The following MYO9B variants were observed in gnomAD, a reference collection of about 807,000 sequenced individuals.
MYO9B encodes unconventional myosin-IXb.
Under a neutral mutation model 229.5 loss-of-function variants are expected in MYO9B, and 71 were observed. The observed-to-expected ratio is 0.31, with a 90% CI of 0.26 to 0.38. The LOEUF (loss-of-function observed/expected upper bound fraction) is 0.38, where lower values mean the gene tolerates loss of function less well. MYO9B is among the 10% of genes least tolerant of loss of function. MYO9B has a pLI of 1.00. For synonymous variants in MYO9B, 1,185 were observed against 1,235.8 expected (o/e 0.96, Z 0.86); for missense variants, 2,255 against 2,920.5 (o/e 0.77, Z 5.25).
rs749341273 is a variant in MYO9B, at chr19:17,195,341, G to A, written c.3914G>A (p.Arg1305Gln). Reference protein sequence around the residue: ...TQIQRYLDAERLASAVELWRG... With the variant: ...TQIQRYLDAEQLASAVELWRG... Reference sequence around the variant, plus strand: ...ATCCAGCGGTACCTGGACGCCGAGCGGCTGGCCAGCGCCGTGGAACTGTGG... The same window carrying A: ...ATCCAGCGGTACCTGGACGCCGAGCAGCTGGCCAGCGCCGTGGAACTGTGG... Residue 1305 changes from arginine to glutamine, a missense_variant, in exon 22 of 40, where the codon CGG (arginine) becomes CAG (glutamine). Coordinates refer to ENST00000682292, the MANE Select transcript of MYO9B (RefSeq NM_004145.4). The surrounding 1 kb of genome is among the most constrained non-coding windows in gnomAD (Gnocchi z 4.5). 1.9e-5 allele frequency: 30 copies of A among 1,612,298 alleles called. No homozygotes were observed. The highest frequency in any genetic ancestry group is 1.6e-4 in the Middle Eastern group (1 of 6,082).
intron 21 of MYO9B, 135 bp from the exon 22 acceptor site, chr19:17,194,421 A>G (rs2073018388): frequency 3.1e-6 from 3 of 952,960 alleles, no homozygotes; most frequent in Non-Finnish European, 3.1e-6. Flanking sequence ...TGCTTTCCAG[A>G]AGCATCTCTC....
At chr19:17,078,686 G>A (rs1225474429) in intron 1 of MYO9B, among the ~76,000 whole-genome samples, 1 of 152,218 alleles carries the variant, frequency 6.6e-6, no homozygotes. Context: ...TTCCTCGGAA[G>A]TAGTGGCTGG....
chr19:17,194,971 G>T lies in MYO9B; in HGVS notation c.3544G>T (p.Val1182Phe), dbSNP rs1438021270. 21 of 1,613,350 alleles carry T rather than the reference G, an allele frequency of 1.3e-5. No homozygotes were observed. The highest frequency in any genetic ancestry group is 2.2e-5 in the East Asian group (1 of 44,878). Residue 1182 changes from valine (V) to phenylalanine (F), a missense_variant, in exon 22 of 40, where the codon GTC becomes TTC. This residue lies in a region of MYO9B where 679 missense variants were observed against 770.2 expected (regional missense o/e 0.88). Transcript: ENST00000682292. Reference sequence around the variant, plus strand: ...TGCCCTCAGAGAACCTTCCAGAAGGGTCACCCAGGAGCAAGGGGTGAGTCT... The same window carrying T: ...TGCCCTCAGAGAACCTTCCAGAAGGTTCACCCAGGAGCAAGGGGTGAGTCT... ...ESALREPSRRVTQEQGVSLLE... is the reference protein window; with the variant it reads ...ESALREPSRRFTQEQGVSLLE...
chr19:17,176,708 C>T (rs146920748), intron 14 of MYO9B, among the ~76,000 whole-genome samples: 3 of 152,118 alleles, frequency 2.0e-5, no homozygotes, highest in Non-Finnish European at 2.9e-5. Flanking sequence ...TGCGGAGAGA[C>T]GGGCTTGATT....
intron 2 of MYO9B, among the ~76,000 whole-genome samples, chr19:17,114,021 G>A (rs2057875108): frequency 6.6e-6 from 1 of 152,088 alleles, no homozygotes; most frequent in Admixed American, 6.6e-5. Context: ...TGCATCATGG[G>A]GGACTGAGCA....
chr19:17,206,276 C>T lies in MYO9B; in HGVS notation c.5286C>T (p.Phe1762=), dbSNP rs1267773453. The change falls in exon 33 of 40, where the codon TTC becomes TTT. Residue 1762 remains phenylalanine (F), a synonymous_variant. Transcript: ENST00000682292. ...TDPAAVKLEN[F]PIHAITGVLK... The stretch of plus-strand genomic sequence containing the variant: ...CCGCAGCAGTCAAGCTGGAGAACTT[C>T]CCCATCCACGCCATCACAGGGGTGC... 4 of 1,470,852 alleles carry T rather than the reference C, an allele frequency of 2.7e-6. No individual in the cohort carries two copies. Among genetic ancestry groups the T allele is most frequent in the Non-Finnish European group, 3.6e-6 (4 of 1,096,606 alleles). 91.1% of individuals were successfully genotyped at this position (1,470,852 alleles called of 1,614,324 possible). A position where few individuals can be genotyped will look rare whatever the true frequency, so the allele number is the denominator to read the frequency against.
intron 14 of MYO9B, among the ~76,000 whole-genome samples, chr19:17,180,202 C>T (rs955991023): frequency 2.0e-5 from 3 of 148,664 alleles, no homozygotes; most frequent in African/African-American, 7.5e-5. Flanking sequence ...CATTGTACTC[C>T]AGCCTGGGCG....
Position 17,101,733 on chromosome 19 carries a change from G to A in MYO9B, c.16G>A (p.Ala6Thr), listed in dbSNP as rs775944015. The part of the protein sequence containing the change: MSVKE[A>T]GSSGRREQAA... Reference sequence around the variant, plus strand: ...GGCCGGCAGGATGAGTGTGAAAGAGGCAGGCAGCTCGGGCCGCCGGGAGCA... The same window carrying A: ...GGCCGGCAGGATGAGTGTGAAAGAGACAGGCAGCTCGGGCCGCCGGGAGCA... Residue 6 changes from alanine to threonine, a missense_variant, in exon 2 of 40, where the codon GCA (alanine) becomes ACA (threonine). Coordinates refer to ENST00000682292, the MANE Select transcript of MYO9B (RefSeq NM_004145.4). This position sits in a 1 kb window ranked among gnomAD's most constrained non-coding sequence, Gnocchi z 4.7. 4 of 1,581,960 alleles carry A rather than the reference G, an allele frequency of 2.5e-6. No homozygotes were observed. The highest frequency in any genetic ancestry group is 1.3e-5 in the African/African-American group (1 of 74,266).
At chr19:17,130,884 A>G (rs1266530061) in intron 2 of MYO9B, among the ~76,000 whole-genome samples, 2 of 152,164 alleles carry the variant, frequency 1.3e-5, no homozygotes, top group Non-Finnish European at 1.5e-5. Context: ...ACCTTGTCCC[A>G]GTCCCATCTG....
At chr19:17,149,157 C>G (rs561862111) in intron 3 of MYO9B, among the ~76,000 whole-genome samples, 1 of 151,522 alleles carries the variant, frequency 6.6e-6, no homozygotes, top group Non-Finnish European at 1.5e-5. Flanking sequence ...TATTTTTATT[C>G]TGTAGAGACG....
At position 17,154,341 on chromosome 19, in the gene MYO9B, G is replaced by C. The variant is rs963290645; in HGVS notation, c.1125G>C (p.Glu375Asp). 2 of 1,612,842 alleles carry C rather than the reference G, an allele frequency of 1.2e-6. No individual in the cohort carries two copies. Among genetic ancestry groups the C allele is most frequent in the Non-Finnish European group, 1.7e-6 (2 of 1,179,148 alleles). The change falls in exon 6 of 40, where the codon GAG becomes GAC. Residue 375 changes from glutamate (E) to aspartate (D), a missense_variant. Physicochemically the swap from Glu to Asp is conservative, Grantham distance 45. Transcript: ENST00000682292. The part of the protein sequence containing the change: ...NQHNLKIEDG[E>D]DLKHDFERLK... The stretch of plus-strand genomic sequence containing the variant: ...ATAACTTGAAGATTGAAGATGGGGA[G>C]GACCTGAAGCATGACTTTGAGAGGC...
chr19:17,175,788 C>A, intron 14 of MYO9B, 47 bp downstream of exon 14: 1 of 1,367,674 alleles, frequency 7.3e-7, no homozygotes, highest in Non-Finnish European at 1.0e-6. Context: ...TAGGTGGCAG[C>A]AGCATTGTTT....
At chr19:17,175,894 G>A (rs957580829) in intron 14 of MYO9B, among the ~76,000 whole-genome samples, 153 bp downstream of exon 14, 7 of 149,072 alleles carry the variant, frequency 4.7e-5, no homozygotes, top group African/African-American at 9.9e-5. Flanking sequence ...GTGCAATGGC[G>A]CAATCTCGGC....
intron 14 of MYO9B, among the ~76,000 whole-genome samples, chr19:17,176,207 AT>A (rs1359110443): frequency 1.3e-5 from 2 of 149,772 alleles, no homozygotes; most frequent in African/African-American, 2.5e-5. Flanking sequence ...TTTCTTTTGT[AT>A]TTTTTTTTAA....
intron 18 of MYO9B, among the ~76,000 whole-genome samples, chr19:17,186,829 C>T (rs909229397): frequency 1.3e-5 from 2 of 152,134 alleles, no homozygotes; most frequent in African/African-American, 4.8e-5. Context: ...CTCCCAGGTT[C>T]AAGCCATCCT....
intron 1 of MYO9B, among the ~76,000 whole-genome samples, chr19:17,079,573 C>G (rs991114506): frequency 2.6e-5 from 4 of 152,190 alleles, no homozygotes; most frequent in African/African-American, 9.7e-5. Flanking sequence ...CTTCCATGGG[C>G]CCTTTCGCCC....
intron 2 of MYO9B, among the ~76,000 whole-genome samples, chr19:17,111,370 T>C (rs1296984573): frequency 6.6e-6 from 1 of 152,232 alleles, no homozygotes; most frequent in East Asian, 1.9e-4. Context: ...TTTACCTATT[T>C]ACTTATTTAT....
rs1204827199 is a variant in MYO9B, at chr19:17,175,753, C to A, written c.2219+12C>A. The A allele has an allele frequency of 1.3e-6, 2 of 1,565,296 alleles. No homozygotes were observed. Among genetic ancestry groups the A allele is most frequent in the Non-Finnish European group, 1.7e-6 (2 of 1,153,504 alleles). ...GAAAAACTTTACCGGTGAGCAAGAC[C>A]CTGATTTGCCCAAACTGAAATCATT... On this transcript the variant is annotated intron_variant, in intron 14 of 39. Coordinates refer to ENST00000682292, the MANE Select transcript of MYO9B (RefSeq NM_004145.4).
chr19:17,101,661 T>C lies in MYO9B; in HGVS notation c.-57T>C. 4 of 1,484,756 alleles carry C rather than the reference T, an allele frequency of 2.7e-6. No homozygotes were observed. Among genetic ancestry groups the C allele is most frequent in the Middle Eastern group, 1.8e-4 (1 of 5,640 alleles). 92.0% of individuals were successfully genotyped at this position (1,484,756 alleles called of 1,614,324 possible). ...GCCTGGCTCTGACCTCCCTTCTAGC[T>C]CCAGGACACGCGCGCCCCGAGCCTG... On this transcript the variant is annotated splice_region_variant and 5_prime_UTR_variant, in exon 2 of 40. Coordinates refer to ENST00000682292, the MANE Select transcript of MYO9B (RefSeq NM_004145.4). The surrounding 1 kb of genome is among the most constrained non-coding windows in gnomAD (Gnocchi z 4.7).
Sources: allele counts gnomAD v4.1 joint callset (sites outside exome capture counted in the v4.1 genomes callset), GRCh38; gene constraint gnomAD v4.1.1; regional missense constraint gnomAD v4.1.1; non-coding constraint Gnocchi (gnomAD v3.1); transcripts MANE v1.5; gene names NCBI Gene and HGNC (gene_info 2026-07-23, HGNC 2026-07-21).